FREM2: variants seen among roughly 807,000 people sequenced by gnomAD.
FREM2 encodes FRAS1-related extracellular matrix protein 2.
FREM2 carries 119 observed loss-of-function variants against 219.9 expected under a neutral mutation model. The ratio of observed to expected loss-of-function variants is 0.54; its 90% CI spans 0.47 to 0.63. The LOEUF (loss-of-function observed/expected upper bound fraction) is 0.63. Among genes scored for constraint, FREM2 ranks in the 30% least tolerant of loss-of-function variants. The pLI is 0.00. For synonymous variants in FREM2, 1,562 were observed against 1,522.8 expected, an observed-to-expected ratio of 1.03 and a Z score of -0.60; for missense variants, 4,030 against 3,993.6, an observed-to-expected ratio of 1.01 and a Z score of -0.25.
chr13:38,809,278 C>G (rs1314737304), intron 6 of FREM2, among the ~76,000 whole-genome samples: 1 of 149,818 alleles, frequency 6.7e-6, no homozygotes, highest in Non-Finnish European at 1.5e-5. Context: ...GTTTATCATC[C>G]AGATCCTGAA....
In FREM2 at chr13:38,872,907, G is replaced by A. The variant is rs1878212021; in HGVS notation, c.8149G>A (p.Gly2717Ser). The stretch of plus-strand genomic sequence containing the variant: ...CGCCATCTTGTGGAATGATGGAATT[G>A]GCAGCCCCCCAGAGGCTGAACTTCA... ...DTAILWNDGI[G>S]SPPEAELQGS... Residue 2717 changes from glycine to serine, a missense_variant, in exon 17 of 24, where the codon GGC (glycine) becomes AGC (serine). Transcript: ENST00000280481. 6.2e-7 allele frequency: 1 copy of A among 1,613,784 alleles called. No individual in the cohort carries two copies. The highest frequency in any genetic ancestry group is 8.5e-7 in the Non-Finnish European group (1 of 1,179,912).
chr13:38,710,210 A>T (rs183265248), intron 2 of FREM2, among the ~76,000 whole-genome samples: 7 of 152,176 alleles, frequency 4.6e-5, no homozygotes, highest in Admixed American at 2.6e-4. Flanking sequence ...ACAAAAAAAC[A>T]CAAAAAACAT....
intron 2 of FREM2, among the ~76,000 whole-genome samples, chr13:38,700,209 C>T (rs1200786392): frequency 6.6e-6 from 1 of 152,012 alleles, no homozygotes. Flanking sequence ...AGGCTCAGAC[C>T]TCTTGTTTCA....
intron 6 of FREM2, among the ~76,000 whole-genome samples, chr13:38,796,535 C>T (rs762848614): frequency 4.6e-5 from 7 of 152,218 alleles, no homozygotes; most frequent in Admixed American, 1.3e-4. Context: ...CTCCCTAACC[C>T]CCCAGCCCCA....
At chr13:38,726,050 C>T (rs1871507357) in intron 2 of FREM2, among the ~76,000 whole-genome samples, 1 of 152,106 alleles carries the variant, frequency 6.6e-6, no homozygotes, top group African/African-American at 2.4e-5. Flanking sequence ...TCAGAGTTCC[C>T]ATGAGGAGGG....
chr13:38,764,382 A>G lies in FREM2; in HGVS notation c.5342A>G (p.Asn1781Ser), dbSNP rs761546631. ...ISFEKEYYLV[N>S]EDSKFLDVVL... Reference sequence around the variant, plus strand: ...TTTGAAAAGGAATATTACCTGGTCAATGAGGACTCCAAATTTCTAGATGTT... The same window carrying G: ...TTTGAAAAGGAATATTACCTGGTCAGTGAGGACTCCAAATTTCTAGATGTT... The change falls in exon 3 of 24, where the codon AAT (asparagine) becomes AGT (serine). Residue 1781 changes from asparagine to serine, a missense_variant. Coordinates refer to ENST00000280481, the MANE Select transcript of FREM2 (RefSeq NM_207361.6). 93 of 1,604,712 alleles carry G rather than the reference A, an allele frequency of 5.8e-5. No homozygotes were observed. The highest frequency in any genetic ancestry group is 1.7e-4 in the Admixed American group (10 of 59,960).
In FREM2 at chr13:38,689,586, G is replaced by C; in HGVS notation, c.2242G>C (p.Asp748His). The C allele has an allele frequency of 6.2e-7, 1 of 1,613,020 alleles. No individual in the cohort carries two copies. Among genetic ancestry groups the C allele is most frequent in the Non-Finnish European group, 8.5e-7 (1 of 1,179,358 alleles). ...LRYTVTQPPTDTDENHLPAPL... is the reference protein window; with the variant it reads ...LRYTVTQPPTHTDENHLPAPL... ...TTACACAGTGACTCAGCCCCCCACA[G>C]ACACAGACGAAAATCACCTGCCAGC... is the stretch of plus-strand genomic sequence containing the variant. The change falls in exon 1 of 24, where the codon GAC becomes CAC. Residue 748 changes from aspartate to histidine, a missense_variant. Physicochemically the swap from Asp to His is moderately conservative, Grantham distance 81. Coordinates refer to ENST00000280481, the MANE Select transcript of FREM2 (RefSeq NM_207361.6).
Position 38,885,546 on chromosome 13 carries a change from T to C in FREM2, c.*4759T>C, listed in dbSNP as rs1878698112. On this transcript the variant is annotated 3_prime_UTR_variant, in exon 24 of 24. Transcript: ENST00000280481. Reference sequence around the variant, plus strand: ...GAACTATAGGTTTCTTTCTGAGATGTATTTTTCATTCTTCCAATAATGCTC... The same window carrying C: ...GAACTATAGGTTTCTTTCTGAGATGCATTTTTCATTCTTCCAATAATGCTC... 1.3e-5 allele frequency: 2 copies of C among 152,158 alleles called. No homozygotes were observed. The highest frequency in any genetic ancestry group is 4.8e-5 in the African/African-American group (2 of 41,448). 9.4% of individuals were successfully genotyped at this position (152,158 alleles called of 1,614,324 possible). A position where few individuals can be genotyped will look rare whatever the true frequency, so the allele number is the denominator to read the frequency against.
At chr13:38,873,350 A>C (rs984937439) in intron 17 of FREM2, among the ~76,000 whole-genome samples, 1 of 152,240 alleles carries the variant, frequency 6.6e-6, no homozygotes, top group Non-Finnish European at 1.5e-5. Flanking sequence ...AATTAAATAC[A>C]AATTATGGCC....
rs543464362 is a variant in FREM2, at chr13:38,715,603, G to T, written c.5263+17816G>T. ...ACAATCACTTCTAATGCACCAGTTG[G>T]TTTTTTTTTTTTATTTAGAAGGCAA... On this transcript the variant is annotated intron_variant, in intron 2 of 23. Transcript: ENST00000280481. 3.4e-3 allele frequency among the ~76,000 whole-genome samples: 494 copies of T among 144,932 alleles called. 2 individuals carry two copies. Among genetic ancestry groups the T allele is most frequent in the African/African-American group, 0.01 (409 of 39,780 alleles).
At chr13:38,854,160 A>G (rs960892315) in intron 11 of FREM2, among the ~76,000 whole-genome samples, 2 of 151,602 alleles carry the variant, frequency 1.3e-5, no homozygotes, top group African/African-American at 4.8e-5. Flanking sequence ...AAAAAAGTTG[A>G]AATTTTTTCA....
intron 6 of FREM2, among the ~76,000 whole-genome samples, chr13:38,792,129 T>C (rs1372215074): frequency 6.6e-6 from 1 of 152,114 alleles, no homozygotes; most frequent in African/African-American, 2.4e-5. Context: ...GGCAGATCAC[T>C]TGAGGTCAGG....
chr13:38,816,106 G>A (rs1226436648), intron 6 of FREM2, among the ~76,000 whole-genome samples: 3 of 152,260 alleles, frequency 2.0e-5, no homozygotes, highest in East Asian at 1.9e-4. Flanking sequence ...CTCCATCAAA[G>A]AAGAGCTCAG....
intron 6 of FREM2, among the ~76,000 whole-genome samples, chr13:38,818,639 G>A (rs1165654246): frequency 6.6e-6 from 1 of 152,068 alleles, no homozygotes; most frequent in African/African-American, 2.4e-5. Context: ...ACAGTAGTGT[G>A]ACTATGGTTA....
intron 2 of FREM2, among the ~76,000 whole-genome samples, chr13:38,761,762 G>C (rs758806636): frequency 2.0e-5 from 3 of 152,144 alleles, no homozygotes; most frequent in Non-Finnish European, 4.4e-5. Flanking sequence ...GAAAGTGTCA[G>C]CCAAGGAAGA....
At chr13:38,768,575 C>A (rs1407351549) in intron 3 of FREM2, among the ~76,000 whole-genome samples, 2 of 152,134 alleles carry the variant, frequency 1.3e-5, no homozygotes, top group African/African-American at 4.8e-5. Flanking sequence ...CCATGCCCAG[C>A]CTTATTTTTC....
At chr13:38,877,802 A>G (rs184907733) in intron 21 of FREM2, among the ~76,000 whole-genome samples, 1 of 152,310 alleles carries the variant, frequency 6.6e-6, no homozygotes, top group East Asian at 1.9e-4. Flanking sequence ...ATATCTTATC[A>G]ACTTATTTTT....
intron 5 of FREM2, 79 bp from the exon 6 acceptor site, chr13:38,784,478 T>G: frequency 6.7e-7 from 1 of 1,501,746 alleles, no homozygotes; most frequent in East Asian, 2.3e-5. Context: ...TAAAATGCTG[T>G]GTATGAAAAT....
chr13:38,689,251 A>T lies in FREM2; in HGVS notation c.1907A>T (p.Tyr636Phe). ...CTTTGGAGGAAGGAGGGGGCATTTT[A>T]TGAGCGAACAGTGACAGAGTGGCAG... ...RGLWRKEGAFYERTVTEWQQQ... is the reference protein window; with the variant it reads ...RGLWRKEGAFFERTVTEWQQQ... Residue 636 changes from tyrosine to phenylalanine, a missense_variant, in exon 1 of 24, where the codon TAT (tyrosine) becomes TTT (phenylalanine). Coordinates refer to ENST00000280481, the MANE Select transcript of FREM2 (RefSeq NM_207361.6). 1.2e-6 allele frequency: 2 copies of T among 1,614,114 alleles called. No homozygotes were observed. Among genetic ancestry groups the T allele is most frequent in the Non-Finnish European group, 1.7e-6 (2 of 1,180,018 alleles).
Sources: gnomAD v4.1 joint callset for allele counts (sites outside exome capture counted in the v4.1 genomes callset) on GRCh38, gnomAD v4.1.1 for gene constraint, MANE v1.5 for transcripts, NCBI Gene and HGNC (gene_info 2026-07-23, HGNC 2026-07-21) for gene names.